The following NRXN1 variants were observed in gnomAD, a reference collection of about 807,000 sequenced individuals.
The protein encoded by NRXN1 is neurexin 1.
Under a neutral mutation model 150.9 loss-of-function variants are expected in NRXN1, and 39 were observed. That is an observed-to-expected ratio of 0.26 (90% CI 0.20 to 0.34). The LOEUF (loss-of-function observed/expected upper bound fraction) is 0.34, where lower values mean the gene tolerates loss of function less well. Ranked by LOEUF, NRXN1 falls within the 10% of genes least tolerant of loss-of-function variation. NRXN1 has a pLI of 1.00. For synonymous variants in NRXN1, 924 were observed against 757.0 expected (o/e 1.22, Z -3.62); for missense variants, 1,815 against 1,949.9 (o/e 0.93, Z 1.30).
intron 17 of NRXN1, among the ~76,000 whole-genome samples, chr2:50,435,054 T>G (rs529106180): frequency 6.6e-6 from 1 of 152,144 alleles, no homozygotes; most frequent in East Asian, 1.9e-4. Context: ...ACTATGTATA[T>G]TTACGGGGTT....
At chr2:49,932,398 C>T (rs114955929) in intron 22 of NRXN1, among the ~76,000 whole-genome samples, 13 of 152,280 alleles carry the variant, frequency 8.5e-5, no homozygotes, top group Non-Finnish European at 1.6e-4. Flanking sequence ...TCCTGCTGGG[C>T]AATAGAGAAC....
rs538118636 is a variant in NRXN1 at position 50,945,937 on chromosome 2, G to GTAT, written c.773-19985_773-19983dup. Among the ~76,000 whole-genome samples, 449 of 145,848 alleles carry GTAT rather than the reference G, an allele frequency of 3.1e-3. 2 individuals are homozygous for GTAT. The highest frequency in any genetic ancestry group is 0.022 in the Middle Eastern group (6 of 276). On this transcript the variant is annotated intron_variant, in intron 2 of 22. Coordinates refer to ENST00000401669, the MANE Select transcript of NRXN1 (RefSeq NM_001330078.2). ...ACACACACACATCTTTACTTGTAAAGTATTATTATTATTATTATTATTATT... is the reference window on the plus strand; with the variant it reads ...ACACACACACATCTTTACTTGTAAAGTATTATTATTATTATTATTATTATTATT...
At chr2:49,978,963 GGT>G (rs1679496852) in intron 21 of NRXN1, among the ~76,000 whole-genome samples, 1 of 152,084 alleles carries the variant, frequency 6.6e-6, no homozygotes, top group Non-Finnish European at 1.5e-5. Flanking sequence ...CAAATTTCAA[GGT>G]GCTTTCAAAA....
chr2:50,239,202 T>C (rs1051306504), intron 17 of NRXN1, among the ~76,000 whole-genome samples: 14 of 151,878 alleles, frequency 9.2e-5, no homozygotes, highest in Non-Finnish European at 1.6e-4. Context: ...CCATTGTTGA[T>C]AAAAATAGGA....
At chr2:50,729,210 T>C (rs1044775963) in intron 5 of NRXN1, among the ~76,000 whole-genome samples, 1 of 152,218 alleles carries the variant, frequency 6.6e-6, no homozygotes, top group Non-Finnish European at 1.5e-5. Context: ...TGATTATAAA[T>C]TCTCTAAGAA....
rs141470091 is a variant in NRXN1 at position 50,520,572 on chromosome 2, C to T, written c.2374+8053G>A. Among the ~76,000 whole-genome samples, 15 of 151,984 alleles carry T rather than the reference C, an allele frequency of 9.9e-5. No homozygotes were observed. The East Asian group carries it at 2.9e-3, about 29-fold the overall frequency. ...CAATTTTGTTATGAAGGTCCCTTGC[C>T]TGTTCCATAATTGATAACTCAAAAA... On this transcript the variant is annotated intron_variant, in intron 12 of 22. Transcript: ENST00000401669.
intron 18 of NRXN1, among the ~76,000 whole-genome samples, chr2:50,213,620 C>G (rs1278989552): frequency 6.6e-6 from 1 of 151,882 alleles, no homozygotes; most frequent in Non-Finnish European, 1.5e-5. Context: ...CTTGAGGTAG[C>G]CCATTCCATT....
chr2:51,027,022 C>A (rs1318171726), intron 2 of NRXN1, among the ~76,000 whole-genome samples: 1 of 152,202 alleles, frequency 6.6e-6, no homozygotes, highest in Non-Finnish European at 1.5e-5. Context: ...TGGGGATTCT[C>A]AACCACGGCC....
At chr2:50,332,370 C>G (rs1261571819) in intron 17 of NRXN1, among the ~76,000 whole-genome samples, 1 of 152,156 alleles carries the variant, frequency 6.6e-6, no homozygotes, top group Non-Finnish European at 1.5e-5. Flanking sequence ...TTTCTGTCCT[C>G]AGGAAATTTA....
intron 18 of NRXN1, among the ~76,000 whole-genome samples, chr2:50,121,514 C>T (rs1001702517): frequency 3.3e-5 from 5 of 152,128 alleles, no homozygotes; most frequent in African/African-American, 1.2e-4. Flanking sequence ...AAACACTACT[C>T]CATTTTATAT....
At chr2:50,737,739 C>T (rs1698942530) in intron 5 of NRXN1, among the ~76,000 whole-genome samples, 1 of 152,020 alleles carries the variant, frequency 6.6e-6, no homozygotes, top group South Asian at 2.1e-4. Context: ...TTTTTAAAAT[C>T]ACAGCATTAA....
intron 5 of NRXN1, among the ~76,000 whole-genome samples, chr2:50,651,502 GACATGACATA>G (rs1414459133): frequency 1.3e-4 from 19 of 146,944 alleles, no homozygotes; most frequent in African/African-American, 3.0e-4. Flanking sequence ...GACATGACAT[GACATGACATA>G]ACATGACATA....
At chr2:50,511,837 A>G (rs990776792) in intron 12 of NRXN1, among the ~76,000 whole-genome samples, 1 of 152,110 alleles carries the variant, frequency 6.6e-6, no homozygotes, top group Admixed American at 6.6e-5. Flanking sequence ...CATTTTAGTA[A>G]CCACATTTGC....
At chr2:50,683,923 G>A (rs573498297) in intron 5 of NRXN1, among the ~76,000 whole-genome samples, 5 of 151,628 alleles carry the variant, frequency 3.3e-5, no homozygotes, top group Non-Finnish European at 5.9e-5. Flanking sequence ...AAAACAGAAG[G>A]CATTAGTTAT....
At chr2:50,051,776 C>G (rs1459281125) in intron 21 of NRXN1, among the ~76,000 whole-genome samples, 1 of 152,036 alleles carries the variant, frequency 6.6e-6, no homozygotes, top group Non-Finnish European at 1.5e-5. Context: ...GCAGGGGTTT[C>G]GTTTGCTGTT....
chr2:49,922,365 G>T (rs912086892), intron 22 of NRXN1, 114 bp from the exon 23 acceptor site: 8 of 1,084,478 alleles, frequency 7.4e-6, no homozygotes, highest in Non-Finnish European at 1.1e-5. Flanking sequence ...TTTAGGAAAG[G>T]TATGCTATTG....
intron 2 of NRXN1, among the ~76,000 whole-genome samples, chr2:50,974,462 G>C (rs536833187): frequency 3.9e-5 from 6 of 152,192 alleles, no homozygotes; most frequent in African/African-American, 1.2e-4. Flanking sequence ...ATATTTATCA[G>C]AATACAAAAC....
intron 5 of NRXN1, among the ~76,000 whole-genome samples, chr2:50,703,085 T>C (rs1693978524): frequency 6.6e-6 from 1 of 152,144 alleles, no homozygotes; most frequent in Non-Finnish European, 1.5e-5. Flanking sequence ...AGCACTCTAT[T>C]ACTGTTAGTA....
intron 5 of NRXN1, among the ~76,000 whole-genome samples, chr2:50,643,256 G>A (rs1684322997): frequency 6.6e-6 from 1 of 151,746 alleles, no homozygotes; most frequent in African/African-American, 2.4e-5. Context: ...TGTTTGTGTG[G>A]GCAGGCTATT....
Sources: allele counts gnomAD v4.1 joint callset (sites outside exome capture counted in the v4.1 genomes callset), GRCh38; gene constraint gnomAD v4.1.1; transcripts MANE v1.5; gene names NCBI Gene and HGNC (gene_info 2026-07-23, HGNC 2026-07-21).